The following ABHD5 variants were observed in gnomAD, a reference collection of about 807,000 sequenced individuals.
The protein encoded by ABHD5 is 1-acylglycerol-3-phosphate O-acyltransferase ABHD5.
Under a neutral mutation model 44.9 loss-of-function variants are expected in ABHD5, and 30 were observed. The observed-to-expected ratio is 0.67, with a 90% CI of 0.50 to 0.91. ABHD5 has a LOEUF of 0.91. Ranked by LOEUF, ABHD5 falls within the 40% of genes least tolerant of loss-of-function variation. ABHD5 has a pLI of 0.00. For synonymous variants in ABHD5, 167 were observed against 147.0 expected (o/e 1.14, Z -0.99); for missense variants, 399 against 423.4 (o/e 0.94, Z 0.50).
chr3:43,717,381 TTAAC>T (rs1374125201), intron 5 of ABHD5, among the ~76,000 whole-genome samples: 2 of 152,194 alleles, frequency 1.3e-5, no homozygotes, highest in Non-Finnish European at 2.9e-5. Flanking sequence ...AAACATATTT[TTAAC>T]TATCTCCACA....
chr3:43,731,757 G>A (rs527244393), intron 7 of ABHD5, among the ~76,000 whole-genome samples: 24 of 152,258 alleles, frequency 1.6e-4, no homozygotes, highest in East Asian at 1.2e-3. Context: ...GCTTGAACCC[G>A]GGAGACGGGA....
At chr3:43,693,696 T>A (rs192419117) in intron 1 of ABHD5, among the ~76,000 whole-genome samples, 13 of 152,268 alleles carry the variant, frequency 8.5e-5, no homozygotes, top group Non-Finnish European at 1.8e-4. Context: ...TTAATGACAT[T>A]TTGCCTTTTA....
chr3:43,700,433 G>C (rs944520136), intron 2 of ABHD5, among the ~76,000 whole-genome samples: 1 of 152,094 alleles, frequency 6.6e-6, no homozygotes, highest in African/African-American at 2.4e-5. Flanking sequence ...TGTTATTTTT[G>C]TATGTAGGTG....
At chr3:43,694,312 C>T (rs933539636) in intron 1 of ABHD5, among the ~76,000 whole-genome samples, 4 of 149,022 alleles carry the variant, frequency 2.7e-5, no homozygotes, top group Non-Finnish European at 4.4e-5. Context: ...ATTATATTGG[C>T]TTAATCATTG....
chr3:43,708,577 T>A (rs1343132243), intron 3 of ABHD5, among the ~76,000 whole-genome samples: 1 of 152,238 alleles, frequency 6.6e-6, no homozygotes, highest in Non-Finnish European at 1.5e-5. Flanking sequence ...TTCTTGCTAC[T>A]GTAACTAGCT....
intron 5 of ABHD5, among the ~76,000 whole-genome samples, chr3:43,716,247 G>A (rs943404695): frequency 4.6e-5 from 7 of 152,104 alleles, no homozygotes; most frequent in Non-Finnish European, 2.9e-5. Context: ...GTTGTGTACT[G>A]GAATTATTGG....
At position 43,721,366 on chromosome 3, in the gene ABHD5, A is replaced by G. The variant is rs559212263; in HGVS notation, c.*2834A>G. ...GAAGAAAACATAGATGAATTATTGT[A>G]TAATCTGACAGTGAGAAAAACTTTC... On this transcript the variant is annotated 3_prime_UTR_variant, in exon 7 of 7. Transcript: ENST00000644371. 73 of 152,286 alleles carry G rather than the reference A, an allele frequency of 4.8e-4. 1 individual carries two copies. Among genetic ancestry groups the G allele is most frequent in the African/African-American group, 1.7e-3 (69 of 41,578 alleles). 9.4% of individuals were successfully genotyped at this position (152,286 alleles called of 1,614,324 possible).
chr3:43,690,899 CT>C, upstream of ABHD5: 1 of 1,374,116 alleles, frequency 7.3e-7, no homozygotes, highest in Non-Finnish European at 9.6e-7. Context: ...CGCTGGCGGC[CT>C]GCGCCGCCTT....
intron 5 of ABHD5, among the ~76,000 whole-genome samples, chr3:43,717,183 C>CA (rs1269514455): frequency 5.2e-4 from 75 of 143,970 alleles, no homozygotes; most frequent in Middle Eastern, 3.6e-3. Context: ...TCAAAAAAAA[C>CA]AAAAAAAACA....
At position 43,699,329 on chromosome 3, in the gene ABHD5, A is replaced by G. The variant is rs1035277259; in HGVS notation, c.101A>G (p.His34Arg). 2 of 1,614,014 alleles carry G rather than the reference A, an allele frequency of 1.2e-6. No individual in the cohort carries two copies. The highest frequency in any genetic ancestry group is 1.7e-5 in the Admixed American group (1 of 60,020). ...LPTWCPTSIS[H>R]LKEAEEKMLK... Reference sequence around the variant, plus strand: ...ACATGGTGCCCTACGTCTATATCACACCTTAAAGAAGCTGAAGAGAAGATG... The same window carrying G: ...ACATGGTGCCCTACGTCTATATCACGCCTTAAAGAAGCTGAAGAGAAGATG... Residue 34 changes from histidine to arginine, a missense_variant, in exon 2 of 7, where the codon CAC (histidine) becomes CGC (arginine). By Grantham distance (29) the His-to-Arg change is conservative. Transcript: ENST00000644371.
At position 43,702,318 on chromosome 3, in the gene ABHD5, C is replaced by T. The variant is rs772479012; in HGVS notation, c.237C>T (p.Val79=). The change falls in exon 3 of 7, where the codon GTC becomes GTT. Residue 79 remains valine, a synonymous_variant. Coordinates refer to ENST00000644371, the MANE Select transcript of ABHD5 (RefSeq NM_016006.6). ...ATATTTCAAATAAGACTCCACTTGT[C>T]CTTCTCCATGGTTTTGGAGGAGGTC... ...SHNISNKTPL[V]LLHGFGGGLG... The T allele has an allele frequency of 1.2e-6, 2 of 1,611,130 alleles. No homozygotes were observed. The highest frequency in any genetic ancestry group is 1.7e-6 in the Non-Finnish European group (2 of 1,177,486).
chr3:43,729,647 G>C (rs2084900722), intron 7 of ABHD5, among the ~76,000 whole-genome samples: 1 of 152,148 alleles, frequency 6.6e-6, no homozygotes, highest in Non-Finnish European at 1.5e-5. Flanking sequence ...CAGGATCTTT[G>C]GTGTGACAAA....
downstream of ABHD5, among the ~76,000 whole-genome samples, chr3:43,726,253 C>T (rs572607669): frequency 5.9e-5 from 9 of 152,188 alleles, no homozygotes; most frequent in East Asian, 1.9e-4. Context: ...ATACCAGACA[C>T]GAATGACTGG....
intron 3 of ABHD5, among the ~76,000 whole-genome samples, chr3:43,710,357 T>A (rs1483794413): frequency 6.6e-6 from 1 of 152,374 alleles, no homozygotes; most frequent in Admixed American, 6.5e-5. Context: ...GTCTCTCTTA[T>A]GTTGATTAGC....
intron 7 of ABHD5, among the ~76,000 whole-genome samples, chr3:43,730,519 T>C (rs1299998146): frequency 6.8e-6 from 1 of 147,074 alleles, no homozygotes; most frequent in Admixed American, 6.8e-5. Flanking sequence ...TTTTTTTTTT[T>C]TTTTGAGACG....
At chr3:43,693,867 C>T (rs1287482840) in intron 1 of ABHD5, among the ~76,000 whole-genome samples, 1 of 151,450 alleles carries the variant, frequency 6.6e-6, no homozygotes, top group Admixed American at 6.6e-5. Context: ...GTGGAGATGA[C>T]TCAGATCTCA....
intron 4 of ABHD5, 141 bp downstream of exon 4, chr3:43,712,004 T>C (rs2084694756): frequency 9.3e-7 from 1 of 1,077,762 alleles, no homozygotes; most frequent in South Asian, 1.3e-5. Context: ...ATAAGTACCA[T>C]GTCTTGCACA....
At chr3:43,717,643 C>T in intron 5 of ABHD5, 28 bp from the exon 6 acceptor site, 2 of 1,610,530 alleles carry the variant, frequency 1.2e-6, no homozygotes, top group South Asian at 1.1e-5. Context: ...AAAAATCATA[C>T]ATCGTGATTT....
chr3:43,709,328 G>GTA (rs1470393918), intron 3 of ABHD5, among the ~76,000 whole-genome samples: 1 of 152,168 alleles, frequency 6.6e-6, no homozygotes, highest in Non-Finnish European at 1.5e-5. Flanking sequence ...ATCTGCCTTA[G>GTA]TATATATACT....
Sources: gnomAD v4.1 joint callset for allele counts (sites outside exome capture counted in the v4.1 genomes callset) on GRCh38, gnomAD v4.1.1 for gene constraint, MANE v1.5 for transcripts, NCBI Gene and HGNC (gene_info 2026-07-23, HGNC 2026-07-21) for gene names.